LOC128462377: variants seen among roughly 807,000 people sequenced by gnomAD.
At chr16:89,408,917 A>C in the LOC128462377 span, among the ~76,000 whole-genome samples, 1 of 152,242 alleles carries the variant, frequency 6.6e-6, no homozygotes, top group Non-Finnish European at 1.5e-5. Context: ...CTTAGGAGTT[A>C]CTGGGAAATA....
chr16:89,378,014 C>G, the LOC128462377 span, among the ~76,000 whole-genome samples: 1 of 152,114 alleles, frequency 6.6e-6, no homozygotes, highest in Non-Finnish European at 1.5e-5. Flanking sequence ...CTTCTTTTCT[C>G]TAGCTTACTT....
the LOC128462377 span, among the ~76,000 whole-genome samples, chr16:89,356,858 T>C: frequency 6.7e-6 from 1 of 150,316 alleles, no homozygotes; most frequent in African/African-American, 2.5e-5. Flanking sequence ...ATAATGCACA[T>C]AATAAACAAC....
the LOC128462377 span, among the ~76,000 whole-genome samples, chr16:89,375,425 G>A: frequency 1.4e-4 from 21 of 151,840 alleles, no homozygotes; most frequent in African/African-American, 4.6e-4. Context: ...GTGACAAGCC[G>A]CTGCGCTCCC....
chr16:89,346,016 C>T, the LOC128462377 span, among the ~76,000 whole-genome samples: 6 of 151,892 alleles, frequency 4.0e-5, no homozygotes, highest in East Asian at 5.8e-4. Context: ...CCAAAGCAGG[C>T]GGATCACTTG....
chr16:89,335,815 C>A, the LOC128462377 span, among the ~76,000 whole-genome samples: 1 of 152,280 alleles, frequency 6.6e-6, no homozygotes, highest in African/African-American at 2.4e-5. Flanking sequence ...ACGGTTTGAC[C>A]CAGAGAGTAC....
the LOC128462377 span, among the ~76,000 whole-genome samples, chr16:89,410,304 C>T: frequency 1.9e-4 from 29 of 152,092 alleles, 1 homozygote; most frequent in African/African-American, 7.0e-4. Context: ...GTTAGTAAGC[C>T]ACCAGGATTT....
At chr16:89,353,777 A>C in the LOC128462377 span, among the ~76,000 whole-genome samples, 1 of 152,144 alleles carries the variant, frequency 6.6e-6, no homozygotes, top group African/African-American at 2.4e-5. Flanking sequence ...ACTACGCCCG[A>C]ACTGGTCACA....
the LOC128462377 span, among the ~76,000 whole-genome samples, chr16:89,370,287 G>A: frequency 1.8e-3 from 273 of 152,326 alleles, no homozygotes; most frequent in African/African-American, 6.1e-3. Context: ...CCAACTATGT[G>A]GCAGCTCTGA....
At chr16:89,410,258 A>T in the LOC128462377 span, among the ~76,000 whole-genome samples, 3 of 152,212 alleles carry the variant, frequency 2.0e-5, no homozygotes, top group Non-Finnish European at 2.9e-5. Flanking sequence ...CTAAAGCCTC[A>T]TAACATCATC....
the LOC128462377 span, among the ~76,000 whole-genome samples, chr16:89,360,958 C>G: frequency 6.6e-6 from 1 of 152,178 alleles, no homozygotes; most frequent in African/African-American, 2.4e-5. Context: ...TGCTCTGCAT[C>G]AGGTGAGAGG....
At chr16:89,366,254 C>T in the LOC128462377 span, among the ~76,000 whole-genome samples, 2 of 152,008 alleles carry the variant, frequency 1.3e-5, no homozygotes, top group Non-Finnish European at 2.9e-5. Flanking sequence ...ATGTGGATTC[C>T]ATGTCTTCTT....
chr16:89,380,928 C>T, the LOC128462377 span, among the ~76,000 whole-genome samples: 13 of 152,182 alleles, frequency 8.5e-5, no homozygotes, highest in East Asian at 1.9e-4. Context: ...AGACGGAGCA[C>T]GCATCCCTGC....
the LOC128462377 span, chr16:89,323,127 G>A: frequency 1.5e-5 from 5 of 344,762 alleles, no homozygotes; most frequent in Middle Eastern, 7.7e-4. Flanking sequence ...TGTGCGCTCC[G>A]TGGAAAGGGA....
the LOC128462377 span, among the ~76,000 whole-genome samples, chr16:89,379,831 C>T: frequency 1.2e-4 from 19 of 152,286 alleles, no homozygotes; most frequent in African/African-American, 3.6e-4. Context: ...GAAGAGTATA[C>T]ATAATAATTT....
chr16:89,362,397 C>T, the LOC128462377 span, among the ~76,000 whole-genome samples: 67 of 152,234 alleles, frequency 4.4e-4, no homozygotes, highest in African/African-American at 1.5e-3. Flanking sequence ...AGAGAGTGCA[C>T]GAAAGTTCCA....
chr16:89,399,260 C>G, the LOC128462377 span, among the ~76,000 whole-genome samples: 1 of 152,038 alleles, frequency 6.6e-6, no homozygotes, highest in Admixed American at 6.5e-5. Context: ...TAAGAGAAGC[C>G]CAGAGAGACA....
chr16:89,376,702 G>A, the LOC128462377 span, among the ~76,000 whole-genome samples: 1 of 152,206 alleles, frequency 6.6e-6, no homozygotes, highest in African/African-American at 2.4e-5. Context: ...GCCTCCCTAA[G>A]TGCTGGGATT....
At chr16:89,396,569 CAT>C in the LOC128462377 span, among the ~76,000 whole-genome samples, 1 of 151,980 alleles carries the variant, frequency 6.6e-6, no homozygotes, top group Non-Finnish European at 1.5e-5. Flanking sequence ...ACTAGAACAA[CAT>C]ATTTACCACA....
At chr16:89,335,140 C>A in the LOC128462377 span, among the ~76,000 whole-genome samples, 1 of 152,182 alleles carries the variant, frequency 6.6e-6, no homozygotes, top group African/African-American at 2.4e-5. Context: ...CCTGATGCCC[C>A]ATGTCCGGCC....
Sources: gnomAD v4.1 joint callset for allele counts (sites outside exome capture counted in the v4.1 genomes callset) on GRCh38, gnomAD v4.1.1 for gene constraint, MANE v1.5 for transcripts.